ADCY5: variants seen among roughly 807,000 people sequenced by gnomAD.
ADCY5 encodes the protein adenylate cyclase type 5.
In ADCY5, 30 loss-of-function variants were observed where a neutral mutation model predicts 119.7. That is an observed-to-expected ratio of 0.25 (90% CI 0.19 to 0.34). ADCY5 has a LOEUF of 0.34. ADCY5 is among the 10% of genes least tolerant of loss of function. ADCY5 has a pLI of 1.00. For synonymous variants in ADCY5, 753 were observed against 762.2 expected, an observed-to-expected ratio of 0.99 and a Z score of 0.20; for missense variants, 1,324 against 1,775.2, an observed-to-expected ratio of 0.75 and a Z score of 4.57.
chr3:123,401,168 A>G (rs1484543184), intron 1 of ADCY5, among the ~76,000 whole-genome samples: 2 of 152,168 alleles, frequency 1.3e-5, no homozygotes, highest in Non-Finnish European at 2.9e-5. Flanking sequence ...GTTTCCCAAT[A>G]TGCATAAATA....
Position 123,289,880 on chromosome 3 carries a change from G to A in ADCY5, c.3402C>T (p.Gly1134=), listed in dbSNP as rs377164650. ...CCTTGTCGTAGGTAGAGTCGTTGAG[G>A]CCGGAGGCAGCCATGTAGGTGCTGC... ...TIGSTYMAAS[G]LNDSTYDKVG... is the part of the protein sequence containing the mutation. The change falls in exon 19 of 21, where the codon GGC becomes GGT. Residue 1134 remains glycine (G), a synonymous_variant. Coordinates refer to ENST00000462833, the MANE Select transcript of ADCY5 (RefSeq NM_183357.3). The A allele has an allele frequency of 4.6e-5, 75 of 1,614,230 alleles. No homozygotes were observed. The African/African-American group carries it at 5.6e-4, about 12-fold the overall frequency.
chr3:123,284,638 G>A lies in ADCY5; in HGVS notation c.3756C>T (p.Tyr1252=), dbSNP rs758958942. 1 of 1,614,262 alleles carries A rather than the reference G, an allele frequency of 6.2e-7. No homozygotes were observed. The highest frequency in any genetic ancestry group is 1.1e-5 in the South Asian group (1 of 91,088). The change falls in exon 21 of 21, where the codon TAC becomes TAT. Residue 1252 remains tyrosine, a synonymous_variant. Transcript: ENST00000462833. ...KVKGKGEMMT[Y]FLNGGPPLS Reference sequence around the variant, plus strand: ...TGAGCGGGGGCCCTCCATTGAGGAAGTAGGTCATCATCTCGCCTTTGCCCT... The same window carrying A: ...TGAGCGGGGGCCCTCCATTGAGGAAATAGGTCATCATCTCGCCTTTGCCCT...
rs143690637 is a variant in ADCY5 at position 123,416,029 on chromosome 3, T to A, written c.1134+31383A>T. Reference sequence around the variant, plus strand: ...TATTTTTTCTACTTTGAATGTTCCATACCAAAAAATCCAAGATAAAGTTCC... The same window carrying A: ...TATTTTTTCTACTTTGAATGTTCCAAACCAAAAAATCCAAGATAAAGTTCC... On this transcript the variant is annotated intron_variant, in intron 1 of 20. Transcript: ENST00000462833. Among the ~76,000 whole-genome samples the A allele has an allele frequency of 9.9e-5, 15 of 152,264 alleles. No homozygotes were observed. In the East Asian group the frequency reaches 1.7e-3, roughly 18 times the overall value.
At chr3:123,421,448 C>A (rs1438407176) in intron 1 of ADCY5, among the ~76,000 whole-genome samples, 1 of 152,212 alleles carries the variant, frequency 6.6e-6, no homozygotes, top group African/African-American at 2.4e-5. Flanking sequence ...ACTGTTAGCA[C>A]TTGTGCCGGT....
At chr3:123,419,426 A>G (rs971384461) in intron 1 of ADCY5, among the ~76,000 whole-genome samples, 1 of 152,016 alleles carries the variant, frequency 6.6e-6, no homozygotes, top group Non-Finnish European at 1.5e-5. Context: ...CTCCCACCTC[A>G]GGCCCCATAC....
At chr3:123,346,311 G>T (rs1032973406) in intron 3 of ADCY5, among the ~76,000 whole-genome samples, 27 of 152,254 alleles carry the variant, frequency 1.8e-4, no homozygotes, top group African/African-American at 5.8e-4. Flanking sequence ...TCCCGGATGT[G>T]GAGATTCAGC....
intron 17 of ADCY5, among the ~76,000 whole-genome samples, chr3:123,294,859 A>G (rs932337957): frequency 6.6e-6 from 1 of 152,200 alleles, no homozygotes; most frequent in African/African-American, 2.4e-5. Context: ...GTCAGAAAAT[A>G]CATATGGCGG....
At chr3:123,289,593 T>C (rs568738082) in intron 19 of ADCY5, among the ~76,000 whole-genome samples, 157 bp downstream of exon 19, 1 of 152,338 alleles carries the variant, frequency 6.6e-6, no homozygotes, top group South Asian at 2.1e-4. Context: ...TGCCCCCACC[T>C]ACTAAGGGCA....
chr3:123,374,306 G>A (rs1274772042), intron 1 of ADCY5, among the ~76,000 whole-genome samples: 1 of 152,134 alleles, frequency 6.6e-6, no homozygotes, highest in East Asian at 1.9e-4. Flanking sequence ...CAGTCAAATG[G>A]CCCAGATGGT....
chr3:123,444,257 C>T (rs1250027881), intron 1 of ADCY5, among the ~76,000 whole-genome samples: 2 of 152,150 alleles, frequency 1.3e-5, no homozygotes, highest in Non-Finnish European at 2.9e-5. Flanking sequence ...GACGCTCCTA[C>T]TATACCCCAG....
At chr3:123,434,936 C>T (rs1945581782) in intron 1 of ADCY5, among the ~76,000 whole-genome samples, 1 of 152,152 alleles carries the variant, frequency 6.6e-6, no homozygotes, top group African/African-American at 2.4e-5. Context: ...CCCTCTCTGG[C>T]AAGGGCTATG....
chr3:123,334,318 G>T (rs1941923380), intron 3 of ADCY5, among the ~76,000 whole-genome samples: 1 of 152,080 alleles, frequency 6.6e-6, no homozygotes, highest in Non-Finnish European at 1.5e-5. Flanking sequence ...CTTCCTCCAA[G>T]GTCTGTGCTC....
rs1297322803 is a variant in ADCY5 at position 123,448,885 on chromosome 3, C to T, written c.-340G>A. 2 of 232,728 alleles carry T rather than the reference C, an allele frequency of 8.6e-6. No homozygotes were observed. The highest frequency in any genetic ancestry group is 2.3e-5 in the African/African-American group (1 of 44,414). The allele number at this position is 232,728 out of a possible 1,614,324, so 14.4% of individuals were successfully genotyped here. On this transcript the variant is annotated 5_prime_UTR_variant, in exon 1 of 21. Transcript: ENST00000462833. ...GGCTCGCGTCGAGCTCGACGAGGGC[C>T]GGAGTTGCGGACGAGACGGGACGGA...
intron 1 of ADCY5, among the ~76,000 whole-genome samples, chr3:123,399,972 C>T (rs1192649764): frequency 6.6e-6 from 1 of 152,172 alleles, no homozygotes; most frequent in African/African-American, 2.4e-5. Flanking sequence ...TAAAGTTCAA[C>T]CCCTGGACCC....
chr3:123,448,638 G>A lies in ADCY5; in HGVS notation c.-93C>T. On this transcript the variant is annotated 5_prime_UTR_variant, in exon 1 of 21. Transcript: ENST00000462833. ...GGCGGACGGCCGAGCAGGGGGACCA[G>A]GCTAGGGTCACACGTCGGGGGCGGC... 1 of 1,180,474 alleles carries A rather than the reference G, an allele frequency of 8.5e-7. No individual in the cohort carries two copies. 73.1% of individuals were successfully genotyped at this position (1,180,474 alleles called of 1,614,324 possible). A position where few individuals can be genotyped will look rare whatever the true frequency, so the allele number is the denominator to read the frequency against.
intron 2 of ADCY5, among the ~76,000 whole-genome samples, chr3:123,349,077 T>C (rs959898470): frequency 2.0e-5 from 3 of 152,140 alleles, no homozygotes; most frequent in Admixed American, 6.5e-5. Context: ...ATATCAGCCA[T>C]TTCCCACATC....
intron 1 of ADCY5, among the ~76,000 whole-genome samples, chr3:123,419,675 A>G (rs1945260514): frequency 6.6e-6 from 1 of 152,084 alleles, no homozygotes; most frequent in African/African-American, 2.4e-5. Flanking sequence ...ACCCGGACAT[A>G]CGTGGCACAT....
At position 123,447,648 on chromosome 3, in the gene ADCY5, G is replaced by C; in HGVS notation, c.898C>G (p.Leu300Val). The C allele has an allele frequency of 1.2e-6, 2 of 1,608,490 alleles. No homozygotes were observed. Among genetic ancestry groups the C allele is most frequent in the Non-Finnish European group, 1.7e-6 (2 of 1,177,758 alleles). ...RAAFHQDHMG[L>V]ACYALIAVVL... Reference sequence around the variant, plus strand: ...ACGGCGATGAGCGCATAGCAGGCCAGGCCCATGTGGTCCTGGTGGAAGGCG... The same window carrying C: ...ACGGCGATGAGCGCATAGCAGGCCACGCCCATGTGGTCCTGGTGGAAGGCG... Residue 300 changes from leucine (L) to valine (V), a missense_variant, in exon 1 of 21, where the codon CTG becomes GTG. This residue lies in a region of ADCY5 where 585 missense variants were observed against 569.9 expected (regional missense o/e 1.03). Transcript: ENST00000462833.
chr3:123,403,702 G>T (rs573432134), intron 1 of ADCY5, among the ~76,000 whole-genome samples: 1 of 152,328 alleles, frequency 6.6e-6, no homozygotes, highest in South Asian at 2.1e-4. Context: ...CTCCTGGAGG[G>T]TCCCTGCTGT....
Sources: gnomAD v4.1 joint callset for allele counts (sites outside exome capture counted in the v4.1 genomes callset) on GRCh38, gnomAD v4.1.1 for gene constraint, gnomAD v4.1.1 regional missense constraint, MANE v1.5 for transcripts, NCBI Gene and HGNC (gene_info 2026-07-23, HGNC 2026-07-21) for gene names.